Variants in ST7L observed in about 807,000 individuals in gnomAD.
ST7L encodes suppressor of tumorigenicity 7 protein-like.
A neutral mutation model predicts 72.5 loss-of-function variants in ST7L; 57 were observed. That is an observed-to-expected ratio of 0.79 (90% CI 0.64 to 0.98). The LOEUF (loss-of-function observed/expected upper bound fraction) is 0.98, where lower values mean the gene tolerates loss of function less well. Among genes scored for constraint, ST7L ranks in the 50% least tolerant of loss-of-function variants. ST7L has a pLI of 0.00. For synonymous variants in ST7L, 221 were observed against 240.9 expected, an observed-to-expected ratio of 0.92 and a Z score of 0.77; for missense variants, 576 against 672.2, an observed-to-expected ratio of 0.86 and a Z score of 1.58.
chr1:112,619,409 C>A (rs1462219375), upstream of ST7L: 8 of 538,538 alleles, frequency 1.5e-5, no homozygotes, highest in Admixed American at 1.4e-4. Context: ...TTCACACCGC[C>A]CCCCCCCCGG....
chr1:112,580,976 A>C lies in ST7L; in HGVS notation c.1069+1016T>G, dbSNP rs189284076. Among the ~76,000 whole-genome samples the C allele has an allele frequency of 2.6e-5, 4 of 152,304 alleles. No homozygotes were observed. The East Asian group carries it at 5.8e-4, about 22-fold the overall frequency. On this transcript the variant is annotated intron_variant, in intron 9 of 14. Transcript: ENST00000358039. ...ATATATATTGAATTGTTACCATGGA[A>C]AGACTAATGAACTAAGAAATCAAAC... is the stretch of plus-strand genomic sequence containing the variant.
At chr1:112,539,531 C>T (rs10857961) in intron 14 of ST7L, among the ~76,000 whole-genome samples, 1 of 151,742 alleles carries the variant, frequency 6.6e-6, no homozygotes, top group South Asian at 2.1e-4. Context: ...TGGCACGTGC[C>T]TGTAGTCCCA....
intron 6 of ST7L, among the ~76,000 whole-genome samples, chr1:112,588,407 T>A (rs1665177324): frequency 6.6e-6 from 1 of 152,234 alleles, no homozygotes. Context: ...CATCAGTAAG[T>A]ACGTATTTAG....
At chr1:112,611,355 T>C (rs752229974) in intron 2 of ST7L, among the ~76,000 whole-genome samples, 1 of 152,326 alleles carries the variant, frequency 6.6e-6, no homozygotes, top group African/African-American at 2.4e-5. Context: ...ATAATAAGCA[T>C]AGTGGATGAA....
chr1:112,566,844 C>T (rs1661143260), intron 11 of ST7L, among the ~76,000 whole-genome samples: 1 of 152,126 alleles, frequency 6.6e-6, no homozygotes, highest in African/African-American at 2.4e-5. Flanking sequence ...TTGTAACTTA[C>T]TTATCTATTT....
rs757976286 is a variant in ST7L, at chr1:112,582,142, A to G, written c.955-36T>C. ...AAAGGAAAAGAAAGATTAAAATCAT[A>G]ACAAAGGAACTCAATAGAGCTGAGC... is the stretch of plus-strand genomic sequence containing the variant. On this transcript the variant is annotated intron_variant, in intron 8 of 14. Transcript: ENST00000358039. 6.2e-6 allele frequency: 9 copies of G among 1,458,354 alleles called. No homozygotes were observed. The East Asian group carries it at 2.0e-4, about 33-fold the overall frequency. 90.3% of individuals were successfully genotyped at this position (1,458,354 alleles called of 1,614,324 possible).
At chr1:112,553,732 T>C (rs1658639020) in intron 12 of ST7L, among the ~76,000 whole-genome samples, 1 of 152,222 alleles carries the variant, frequency 6.6e-6, no homozygotes, top group Non-Finnish European at 1.5e-5. Flanking sequence ...GTGGTACTTC[T>C]TTTAATCAGA....
chr1:112,590,219 T>G (rs1259978440), intron 6 of ST7L, among the ~76,000 whole-genome samples: 1 of 152,086 alleles, frequency 6.6e-6, no homozygotes, highest in Admixed American at 6.6e-5. Flanking sequence ...TCTTTGAAAA[T>G]AAGGTCCATT....
intron 6 of ST7L, among the ~76,000 whole-genome samples, chr1:112,586,886 C>A (rs893174675): frequency 6.6e-6 from 1 of 152,186 alleles, no homozygotes; most frequent in Non-Finnish European, 1.5e-5. Flanking sequence ...ACATTTTCAT[C>A]ATCCCCACAA....
At chr1:112,575,106 G>T (rs1411303506) in intron 11 of ST7L, among the ~76,000 whole-genome samples, 1 of 152,154 alleles carries the variant, frequency 6.6e-6, no homozygotes, top group African/African-American at 2.4e-5. Flanking sequence ...GGGCGTGGTG[G>T]CGCGCACCTG....
intron 2 of ST7L, among the ~76,000 whole-genome samples, chr1:112,613,527 T>C (rs902686264): frequency 3.9e-5 from 6 of 152,220 alleles, no homozygotes; most frequent in African/African-American, 1.4e-4. Context: ...CATGTATATG[T>C]GATTATATGT....
At chr1:112,535,768 C>G (rs113231367) in intron 14 of ST7L, among the ~76,000 whole-genome samples, 1 of 151,112 alleles carries the variant, frequency 6.6e-6, no homozygotes, top group Non-Finnish European at 1.5e-5. Flanking sequence ...TATTTTCTTT[C>G]CCCCTTAGAA....
At chr1:112,528,015 G>T (rs538027174) in intron 14 of ST7L, 1 of 152,274 alleles carries the variant, frequency 6.6e-6, no homozygotes, top group East Asian at 1.9e-4. Context: ...TGCTTACTGG[G>T]TGACAATATA....
chr1:112,572,352 A>G (rs6690169), intron 11 of ST7L, among the ~76,000 whole-genome samples: 32,776 of 152,146 alleles, frequency 0.22, 3,743 homozygotes, highest in Non-Finnish European at 0.26. Context: ...TGTCCTCTGA[A>G]GCTTTGAAGC....
At chr1:112,528,613 G>A (rs942368680) in intron 14 of ST7L, 10 of 152,332 alleles carry the variant, frequency 6.6e-5, no homozygotes, top group South Asian at 6.2e-4. Flanking sequence ...CCAGTACTGT[G>A]ATACATTAAT....
intron 1 of ST7L, among the ~76,000 whole-genome samples, chr1:112,618,615 A>C (rs1670326317): frequency 1.3e-5 from 2 of 152,070 alleles, no homozygotes; most frequent in African/African-American, 4.8e-5. Flanking sequence ...AATCTGAGAC[A>C]CTCTTCTGTC....
At chr1:112,534,574 T>C (rs1477245152) in intron 14 of ST7L, among the ~76,000 whole-genome samples, 1 of 152,172 alleles carries the variant, frequency 6.6e-6, no homozygotes, top group African/African-American at 2.4e-5. Context: ...GTTCATTTGA[T>C]TGGTAGGGGA....
intron 2 of ST7L, among the ~76,000 whole-genome samples, chr1:112,611,946 G>A (rs1669120654): frequency 2.9e-5 from 4 of 138,870 alleles, no homozygotes; most frequent in African/African-American, 1.1e-4. Context: ...CTCCAGCCTG[G>A]GCAATAGAGT....
At position 112,550,490 on chromosome 1, in the gene ST7L, T is replaced by C. The variant is rs1657931771; in HGVS notation, c.1489+111A>G. 4 of 733,100 alleles carry C rather than the reference T, an allele frequency of 5.5e-6. No individual in the cohort carries two copies. The Admixed American group carries it at 8.0e-5, about 15-fold the overall frequency. 45.4% of individuals were successfully genotyped at this position (733,100 alleles called of 1,614,324 possible). ...ATCCCAGAAGTGGCTAAAATAGTAT[T>C]TAAACAGTGTCCTGAATTTAAACCA... On this transcript the variant is annotated intron_variant, in intron 13 of 14. Coordinates refer to ENST00000358039, the MANE Select transcript of ST7L (RefSeq NM_017744.5).
Sources: gnomAD v4.1 joint callset for allele counts (sites outside exome capture counted in the v4.1 genomes callset) on GRCh38, gnomAD v4.1.1 for gene constraint, MANE v1.5 for transcripts, NCBI Gene and HGNC (gene_info 2026-07-23, HGNC 2026-07-21) for gene names.